The following IL7 variants were observed in gnomAD, a reference collection of about 807,000 sequenced individuals.
IL7 encodes interleukin-7.
Under a neutral mutation model 21.6 loss-of-function variants are expected in IL7, and 3 were observed. The ratio of observed to expected loss-of-function variants is 0.14; its 90% confidence interval spans 0.06 to 0.36. The LOEUF (loss-of-function observed/expected upper bound fraction) is 0.36, where lower values mean the gene tolerates loss of function less well. Ranked by LOEUF, IL7 falls within the 10% of genes least tolerant of loss-of-function variation. IL7 has a pLI of 1.00. For synonymous variants in IL7, 62 were observed against 68.1 expected (o/e 0.91, Z 0.44); for missense variants, 175 against 200.2 (o/e 0.87, Z 0.76).
chr8:78,744,244 G>C (rs1176739139), intron 2 of IL7, among the ~76,000 whole-genome samples: 1 of 151,600 alleles, frequency 6.6e-6, no homozygotes, highest in Non-Finnish European at 1.5e-5. Context: ...CTGTCCCAGG[G>C]AGTTTTCAAA....
At chr8:78,788,237 C>A (rs1813575964) in intron 2 of IL7, among the ~76,000 whole-genome samples, 1 of 151,958 alleles carries the variant, frequency 6.6e-6, no homozygotes, top group Non-Finnish European at 1.5e-5. Flanking sequence ...CTACTAATTT[C>A]TTGTTCTCAA....
chr8:78,728,015 A>G (rs539698294), downstream of IL7, among the ~76,000 whole-genome samples: 12 of 152,158 alleles, frequency 7.9e-5, no homozygotes, highest in Non-Finnish European at 1.5e-4. Flanking sequence ...CCATTTGTAA[A>G]AGCACACATG....
At chr8:78,686,709 T>C in intron 3 of IL7, 3 of 1,224,898 alleles carry the variant, frequency 2.4e-6, no homozygotes, top group Non-Finnish European at 3.2e-6. Context: ...AATCATGGAG[T>C]GTTATGAGGC....
chr8:78,789,722 T>TA (rs888647646), intron 2 of IL7, among the ~76,000 whole-genome samples: 1 of 152,042 alleles, frequency 6.6e-6, no homozygotes, highest in African/African-American at 2.4e-5. Context: ...CTAAGACTAG[T>TA]AGTAGAAGTC....
chr8:78,724,822 A>AT (rs961842939), intron 3 of IL7, among the ~76,000 whole-genome samples: 1 of 151,874 alleles, frequency 6.6e-6, no homozygotes, highest in Non-Finnish European at 1.5e-5. Flanking sequence ...CAGTAGAAAG[A>AT]TTTTTTCTCA....
chr8:78,796,941 C>T (rs1382290365), intron 2 of IL7, among the ~76,000 whole-genome samples: 2 of 151,938 alleles, frequency 1.3e-5, no homozygotes, highest in Non-Finnish European at 2.9e-5. Context: ...ACACAAAACC[C>T]TGCACGTATA....
At chr8:78,767,089 T>C (rs1430398486) in intron 2 of IL7, among the ~76,000 whole-genome samples, 1 of 152,158 alleles carries the variant, frequency 6.6e-6, no homozygotes, top group Non-Finnish European at 1.5e-5. Flanking sequence ...ATGAATAGTC[T>C]GTTCTTATCC....
intron 3 of IL7, among the ~76,000 whole-genome samples, chr8:78,703,356 C>G (rs1810667984): frequency 6.6e-6 from 1 of 152,064 alleles, no homozygotes; most frequent in African/African-American, 2.4e-5. Flanking sequence ...GATAATCTGT[C>G]TAATATTGTC....
Position 78,733,727 on chromosome 8 carries a change from T to C in IL7, c.520A>G (p.Thr174Ala). The change falls in exon 6 of 6, where the codon ACT becomes GCT. Residue 174 changes from threonine (T) to alanine (A), a missense_variant. Thr to Ala is a moderately conservative substitution (Grantham distance 58). Transcript: ENST00000263851. ...CTCCATATTTTTCAGTGTTCTTTAGTGCCCATCAAAATTTTATTCCAACAA... is the reference window on the plus strand; with the variant it reads ...CTCCATATTTTTCAGTGTTCTTTAGCGCCCATCAAAATTTTATTCCAACAA... ...KTCWNKILMG[T>A]KEH The C allele has an allele frequency of 6.2e-7, 1 of 1,601,082 alleles. No individual in the cohort carries two copies. Among genetic ancestry groups the C allele is most frequent in the Non-Finnish European group, 8.5e-7 (1 of 1,175,762 alleles).
At chr8:78,787,988 G>T (rs1412305070) in intron 2 of IL7, among the ~76,000 whole-genome samples, 3 of 152,130 alleles carry the variant, frequency 2.0e-5, no homozygotes, top group Admixed American at 2.0e-4. Flanking sequence ...GATTTTGGTG[G>T]CTGCTGGCAA....
chr8:78,753,701 T>C (rs556756457), intron 2 of IL7, among the ~76,000 whole-genome samples: 1 of 152,230 alleles, frequency 6.6e-6, no homozygotes, highest in East Asian at 1.9e-4. Context: ...GTTTTTATGG[T>C]TTTAGGTCGT....
chr8:78,788,215 A>T (rs901901523), intron 2 of IL7, among the ~76,000 whole-genome samples: 15 of 152,128 alleles, frequency 9.9e-5, no homozygotes, highest in African/African-American at 3.6e-4. Context: ...TTTTGGTTTC[A>T]TTGATTTTCC....
chr8:78,802,423 T>C (rs1290299776), intron 1 of IL7, among the ~76,000 whole-genome samples: 1 of 151,672 alleles, frequency 6.6e-6, no homozygotes, highest in East Asian at 1.9e-4. Flanking sequence ...TCCTTTCGTA[T>C]TTTTCTCTCT....
chr8:78,697,320 C>A, intron 3 of IL7: 1 of 1,097,260 alleles, frequency 9.1e-7, no homozygotes, highest in South Asian at 1.7e-5. Flanking sequence ...AAATCCTAAA[C>A]CCAAAGAATG....
rs566716046 is a variant in IL7, at chr8:78,764,624, A to T, written c.148-24542T>A. ...AATGCTTAAGTGTAAATCTAAAAAAAAATGTCCAAAATACATATGAGGAAA... is the reference window on the plus strand; with the variant it reads ...AATGCTTAAGTGTAAATCTAAAAAATAATGTCCAAAATACATATGAGGAAA... On this transcript the variant is annotated intron_variant, in intron 2 of 5. Transcript: ENST00000263851. 6.2e-3 allele frequency among the ~76,000 whole-genome samples: 937 copies of T among 152,238 alleles called. 9 individuals are homozygous for T. The highest frequency in any genetic ancestry group is 0.027 in the Middle Eastern group (8 of 294).
At chr8:78,721,913 T>C (rs1811245814) in intron 3 of IL7, among the ~76,000 whole-genome samples, 1 of 151,892 alleles carries the variant, frequency 6.6e-6, no homozygotes, top group African/African-American at 2.4e-5. Flanking sequence ...ATTGAAGAAA[T>C]TGGCCATTAA....
At chr8:78,760,819 A>C (rs1328382529) in intron 2 of IL7, 2 of 1,547,020 alleles carry the variant, frequency 1.3e-6, no homozygotes, top group Non-Finnish European at 1.7e-6. Context: ...TGGCTTCCTC[A>C]AACCAAAATT....
chr8:78,753,216 C>T (rs112983734), intron 2 of IL7, among the ~76,000 whole-genome samples: 2,986 of 152,260 alleles, frequency 0.02, 90 homozygotes, highest in African/African-American at 0.068. Context: ...AAAAACGTTC[C>T]TATTTCTCCA....
chr8:78,745,222 A>G (rs1012534716), intron 2 of IL7, among the ~76,000 whole-genome samples: 1 of 152,230 alleles, frequency 6.6e-6, no homozygotes, highest in Non-Finnish European at 1.5e-5. Context: ...TTGAATTTTT[A>G]AATTACATTT....
Sources: allele counts gnomAD v4.1 joint callset (sites outside exome capture counted in the v4.1 genomes callset), GRCh38; gene constraint gnomAD v4.1.1; transcripts MANE v1.5; gene names NCBI Gene and HGNC (gene_info 2026-07-23, HGNC 2026-07-21).